THSD4: variants seen among roughly 807,000 people sequenced by gnomAD.
The protein encoded by THSD4 is thrombospondin type-1 domain-containing protein 4.
A neutral mutation model predicts 119.0 loss-of-function variants in THSD4; 69 were observed. That is an observed-to-expected ratio of 0.58 (90% CI 0.48 to 0.71). THSD4 has a LOEUF of 0.71. Ranked by LOEUF, THSD4 falls within the 30% of genes least tolerant of loss-of-function variation. The pLI is 0.00. For synonymous variants in THSD4, 524 were observed against 540.4 expected, an observed-to-expected ratio of 0.97 and a Z score of 0.42; for missense variants, 1,393 against 1,391.1, an observed-to-expected ratio of 1.00 and a Z score of -0.02.
intron 6 of THSD4, among the ~76,000 whole-genome samples, chr15:71,372,358 A>G (rs570086015): frequency 6.6e-6 from 1 of 152,266 alleles, no homozygotes; most frequent in South Asian, 2.1e-4. Context: ...AGGCACTCTG[A>G]TTTTTAGAAG....
chr15:71,771,033 A>C lies in THSD4; in HGVS notation c.2770-31A>C, dbSNP rs201325358. The C allele has an allele frequency of 9.4e-5, 152 of 1,608,530 alleles. No individual in the cohort carries two copies. The African/African-American group carries it at 1.8e-3, about 19-fold the overall frequency. ...GTGCTGAGCTATTGGTCTGCCCAAA[A>C]ATCTGATGTTTTCCCTTTGTTCCCA... On this transcript the variant is annotated intron_variant, in intron 16 of 17. Transcript: ENST00000261862.
intron 14 of THSD4, among the ~76,000 whole-genome samples, chr15:71,752,650 C>G (rs1041165527): frequency 6.6e-6 from 1 of 152,186 alleles, no homozygotes; most frequent in South Asian, 2.1e-4. Context: ...TGACCCTGAG[C>G]CAGCTACTGA....
chr15:71,372,825 T>A (rs534046077), intron 6 of THSD4, among the ~76,000 whole-genome samples: 46 of 152,350 alleles, frequency 3.0e-4, no homozygotes, highest in Non-Finnish European at 5.4e-4. Context: ...GACATTTAAG[T>A]CTGCAGAGGT....
At chr15:71,264,869 A>G (rs1227558906) in intron 6 of THSD4, among the ~76,000 whole-genome samples, 1 of 152,144 alleles carries the variant, frequency 6.6e-6, no homozygotes. Flanking sequence ...AAGTTCTGCT[A>G]ATACACACAG....
intron 4 of THSD4, among the ~76,000 whole-genome samples, chr15:71,242,416 C>T (rs2044160566): frequency 6.6e-6 from 1 of 152,136 alleles, no homozygotes; most frequent in Middle Eastern, 3.2e-3. Flanking sequence ...ATCCACTGTT[C>T]ATCCTCTGTT....
chr15:71,216,981 G>C (rs926991728), intron 4 of THSD4, among the ~76,000 whole-genome samples: 2 of 152,136 alleles, frequency 1.3e-5, no homozygotes, highest in Non-Finnish European at 2.9e-5. Flanking sequence ...ATCTTTAGTA[G>C]AGGTGGGGTT....
At chr15:71,525,555 A>G (rs1289558819) in intron 7 of THSD4, among the ~76,000 whole-genome samples, 1 of 152,198 alleles carries the variant, frequency 6.6e-6, no homozygotes, top group Non-Finnish European at 1.5e-5. Context: ...AGTTATACAG[A>G]TGTACAATGT....
chr15:71,632,701 T>C (rs1232437229), intron 7 of THSD4, among the ~76,000 whole-genome samples: 3 of 152,258 alleles, frequency 2.0e-5, no homozygotes, highest in Admixed American at 6.5e-5. Flanking sequence ...TATAAAATTT[T>C]GTTTTCCCAG....
intron 6 of THSD4, among the ~76,000 whole-genome samples, chr15:71,322,011 A>T (rs1239267586): frequency 6.6e-6 from 1 of 152,134 alleles, no homozygotes; most frequent in Non-Finnish European, 1.5e-5. Context: ...ACTGAGTAAA[A>T]TGATCACATG....
chr15:71,699,078 C>T (rs1168572202), intron 8 of THSD4, among the ~76,000 whole-genome samples: 1 of 151,926 alleles, frequency 6.6e-6, no homozygotes, highest in Non-Finnish European at 1.5e-5. Context: ...TTTAAGTATT[C>T]TTATCATAAA....
At chr15:71,749,841 C>G (rs1313648853) in intron 14 of THSD4, among the ~76,000 whole-genome samples, 2 of 151,790 alleles carry the variant, frequency 1.3e-5, no homozygotes, top group African/African-American at 2.4e-5. Flanking sequence ...TGCCTCAGCA[C>G]CCCCTGCCCC....
At chr15:71,392,946 C>G (rs1227407995) in intron 6 of THSD4, among the ~76,000 whole-genome samples, 1 of 152,218 alleles carries the variant, frequency 6.6e-6, no homozygotes, top group African/African-American at 2.4e-5. Flanking sequence ...AACATCCTTC[C>G]CAGCGCTTCC....
At chr15:71,757,559 G>GTTGGGATTACAGGTGCACAC (rs1319732902) in intron 14 of THSD4, among the ~76,000 whole-genome samples, 609 of 2,768 alleles carry the variant, frequency 0.22, no homozygotes, top group South Asian at 0.34. Flanking sequence ...GCCTCCCAAA[G>GTTGGGATTACAGGTGCACAC]CTCTGGTACC....
chr15:71,548,171 T>A (rs1434698999), intron 7 of THSD4, among the ~76,000 whole-genome samples: 1 of 151,632 alleles, frequency 6.6e-6, no homozygotes, highest in Non-Finnish European at 1.5e-5. Context: ...TTGGGATAGA[T>A]GATCATTGAG....
At chr15:71,539,581 G>C (rs529829277) in intron 7 of THSD4, among the ~76,000 whole-genome samples, 1 of 152,006 alleles carries the variant, frequency 6.6e-6, no homozygotes, top group African/African-American at 2.4e-5. Flanking sequence ...TTCATTTTCC[G>C]TATTTTTTGA....
At chr15:71,688,462 A>G (rs2051965002) in intron 8 of THSD4, among the ~76,000 whole-genome samples, 1 of 152,224 alleles carries the variant, frequency 6.6e-6, no homozygotes, top group South Asian at 2.1e-4. Context: ...AAAAATGAAA[A>G]GTAAAATGCT....
At chr15:71,453,387 A>C (rs141640816) in intron 7 of THSD4, among the ~76,000 whole-genome samples, 92 of 152,308 alleles carry the variant, frequency 6.0e-4, no homozygotes, top group Admixed American at 1.4e-3. Context: ...TCTGTCTGAA[A>C]TGGGCTTCAG....
chr15:71,648,457 T>A (rs1037721162), intron 7 of THSD4, among the ~76,000 whole-genome samples: 1 of 152,242 alleles, frequency 6.6e-6, no homozygotes, highest in South Asian at 2.1e-4. Context: ...TTTCCAGTTT[T>A]TTAGGCTTTC....
intron 6 of THSD4, among the ~76,000 whole-genome samples, chr15:71,294,464 C>G (rs2044835378): frequency 6.6e-6 from 1 of 152,180 alleles, no homozygotes; most frequent in Admixed American, 6.5e-5. Context: ...GCTGGGAGTT[C>G]AGGATCCACT....
Sources: allele counts gnomAD v4.1 joint callset (sites outside exome capture counted in the v4.1 genomes callset), GRCh38; gene constraint gnomAD v4.1.1; transcripts MANE v1.5; gene names NCBI Gene and HGNC (gene_info 2026-07-23, HGNC 2026-07-21).